The following DGKB variants were observed in gnomAD, a reference collection of about 807,000 sequenced individuals.
DGKB encodes the protein diacylglycerol kinase beta.
DGKB carries 67 observed loss-of-function variants against 114.3 expected under a neutral mutation model. The observed-to-expected ratio is 0.59, with a 90% CI of 0.48 to 0.72. DGKB has a LOEUF of 0.72. Ranked by LOEUF, DGKB falls within the 30% of genes least tolerant of loss-of-function variation. The pLI, the probability that DGKB is intolerant of heterozygous loss-of-function variation, is 0.00. For missense variants in DGKB, 907 were observed against 975.2 expected (o/e 0.93, Z 0.93); for synonymous variants, 398 against 323.1 (o/e 1.23, Z -2.49).
intron 23 of DGKB, among the ~76,000 whole-genome samples, chr7:14,249,551 TATC>T (rs1049129980): frequency 2.0e-5 from 3 of 152,274 alleles, no homozygotes; most frequent in African/African-American, 7.2e-5. Flanking sequence ...TCTATTACTT[TATC>T]ATTTAGTTTT....
chr7:14,489,309 C>G (rs563318984), intron 20 of DGKB, among the ~76,000 whole-genome samples: 39 of 152,180 alleles, frequency 2.6e-4, no homozygotes, highest in African/African-American at 9.2e-4. Context: ...GAAATCAAGT[C>G]AATGTAATAT....
In DGKB at chr7:14,165,906, C is replaced by G. The variant is rs535183518; in HGVS notation, c.2304+10933G>C. Among the ~76,000 whole-genome samples the G allele has an allele frequency of 4.6e-5, 7 of 152,278 alleles. No individual in the cohort carries two copies. The South Asian group carries it at 8.3e-4, about 18-fold the overall frequency. On this transcript the variant is annotated intron_variant, in intron 25 of 25. Transcript: ENST00000402815. ...TACACCTGTGCTCCTTTATTCATCA[C>G]TGCACATTTCAGAAAGCCTCAGAAG...
At chr7:14,517,687 C>G (rs570973922) in intron 20 of DGKB, among the ~76,000 whole-genome samples, 2 of 152,006 alleles carry the variant, frequency 1.3e-5, no homozygotes, top group East Asian at 3.9e-4. Context: ...GACATACACA[C>G]AGCCAACAAG....
intron 2 of DGKB, among the ~76,000 whole-genome samples, chr7:14,785,745 T>C (rs1839795165): frequency 6.6e-6 from 1 of 152,116 alleles, no homozygotes; most frequent in African/African-American, 2.4e-5. Context: ...ACACAGCCAT[T>C]GTACATTCAA....
At chr7:14,835,239 A>G (rs779944708) in intron 2 of DGKB, among the ~76,000 whole-genome samples, 1 of 152,214 alleles carries the variant, frequency 6.6e-6, no homozygotes, top group African/African-American at 2.4e-5. Context: ...AACATTTCAG[A>G]TAAGTGTTTT....
intron 21 of DGKB, among the ~76,000 whole-genome samples, chr7:14,472,594 G>A (rs1781582256): frequency 6.6e-6 from 1 of 152,196 alleles, no homozygotes; most frequent in Non-Finnish European, 1.5e-5. Context: ...AGCAACTTTG[G>A]AACTGGGTAA....
chr7:14,631,962 T>C (rs1035743449), intron 13 of DGKB, among the ~76,000 whole-genome samples: 1 of 151,954 alleles, frequency 6.6e-6, no homozygotes, highest in Non-Finnish European at 1.5e-5. Context: ...ATAAGAGACT[T>C]CAATCAGCCT....
chr7:14,754,608 G>A (rs557248208), intron 3 of DGKB, among the ~76,000 whole-genome samples: 2 of 152,066 alleles, frequency 1.3e-5, no homozygotes, highest in South Asian at 4.2e-4. Flanking sequence ...TGCTAAACTG[G>A]TTTCCCCTCA....
intron 23 of DGKB, among the ~76,000 whole-genome samples, chr7:14,275,497 CAG>C (rs904854319): frequency 1.3e-5 from 2 of 152,114 alleles, no homozygotes; most frequent in African/African-American, 4.8e-5. Context: ...TTCATGCAGA[CAG>C]AGGAAAGCAA....
chr7:14,424,649 G>T (rs1387076248), intron 21 of DGKB, among the ~76,000 whole-genome samples: 3 of 151,960 alleles, frequency 2.0e-5, no homozygotes, highest in Admixed American at 1.3e-4. Context: ...AACACTAAAG[G>T]TATGGTTAAG....
At chr7:14,710,216 T>G (rs536022983) in intron 6 of DGKB, among the ~76,000 whole-genome samples, 2 of 152,114 alleles carry the variant, frequency 1.3e-5, no homozygotes, top group African/African-American at 4.8e-5. Context: ...TTGTTCTGTA[T>G]AGAGACCTTT....
In DGKB at chr7:14,849,953, G is replaced by T. The variant is rs1213968125; in HGVS notation, c.-187-8503C>A. On this transcript the variant is annotated intron_variant, in intron 1 of 25. Transcript: ENST00000402815. ...ACAGAACAAAGCTCTGAGGAGACGA[G>T]TTCTTATATTTAGAGATTAGAGGTG... 3.3e-5 allele frequency among the ~76,000 whole-genome samples: 5 copies of T among 152,280 alleles called. No individual in the cohort carries two copies. The East Asian group carries it at 9.6e-4, about 29-fold the overall frequency.
chr7:14,733,668 C>T (rs1831235641), intron 5 of DGKB, among the ~76,000 whole-genome samples: 1 of 150,596 alleles, frequency 6.6e-6, no homozygotes, highest in African/African-American at 2.5e-5. Flanking sequence ...AGCCTGAGAC[C>T]CTGTGTCAGA....
At chr7:14,153,615 G>A (rs1475727180) in intron 25 of DGKB, among the ~76,000 whole-genome samples, 4 of 151,994 alleles carry the variant, frequency 2.6e-5, no homozygotes, top group African/African-American at 9.7e-5. Context: ...GCACCTTTGT[G>A]CTAGTTATTG....
chr7:14,803,073 G>T (rs1051821317), intron 2 of DGKB, among the ~76,000 whole-genome samples: 1 of 151,904 alleles, frequency 6.6e-6, no homozygotes, highest in African/African-American at 2.4e-5. Flanking sequence ...AGGCCTTTTG[G>T]TGTCATTTGC....
intron 21 of DGKB, among the ~76,000 whole-genome samples, chr7:14,360,700 T>C (rs926081510): frequency 6.6e-6 from 1 of 151,976 alleles, no homozygotes; most frequent in African/African-American, 2.4e-5. Flanking sequence ...GATAACCCTG[T>C]TTAATAATAT....
At chr7:14,492,554 A>T (rs1485299586) in intron 20 of DGKB, among the ~76,000 whole-genome samples, 1 of 152,124 alleles carries the variant, frequency 6.6e-6, no homozygotes, top group Admixed American at 6.6e-5. Flanking sequence ...AGTGAGGTAC[A>T]GCTTACAGGG....
intron 13 of DGKB, among the ~76,000 whole-genome samples, chr7:14,652,002 A>G (rs13222803): frequency 0.5 from 60,258 of 121,378 alleles, 16,231 homozygotes; most frequent in Admixed American, 0.64. Context: ...ATAAAAGAGG[A>G]TACAAACAAA....
intron 20 of DGKB, among the ~76,000 whole-genome samples, chr7:14,549,961 C>A (rs1421280670): frequency 6.6e-6 from 1 of 151,816 alleles, no homozygotes; most frequent in African/African-American, 2.4e-5. Context: ...TGCACTCTAG[C>A]CTGCTGACAG....
Sources: allele counts gnomAD v4.1 joint callset (sites outside exome capture counted in the v4.1 genomes callset), GRCh38; gene constraint gnomAD v4.1.1; transcripts MANE v1.5; gene names NCBI Gene and HGNC (gene_info 2026-07-23, HGNC 2026-07-21).